The following FLI1 variants were observed in gnomAD, a reference collection of about 807,000 sequenced individuals.
FLI1 encodes Fli-1 proto-oncogene, ETS transcription factor.
In FLI1, 13 loss-of-function variants were observed where a neutral mutation model predicts 53.1. The observed-to-expected ratio is 0.24, with a 90% CI of 0.16 to 0.39. The LOEUF (loss-of-function observed/expected upper bound fraction) is 0.39, where lower values mean the gene tolerates loss of function less well. Ranked by LOEUF, FLI1 falls within the 10% of genes least tolerant of loss-of-function variation. FLI1 has a pLI of 1.00. For missense variants in FLI1, 424 were observed against 600.5 expected, an observed-to-expected ratio of 0.71 and a Z score of 3.07; for synonymous variants, 244 against 236.7, an observed-to-expected ratio of 1.03 and a Z score of -0.28.
intron 1 of FLI1, among the ~76,000 whole-genome samples, chr11:128,751,734 T>G (rs1484201157): frequency 6.6e-6 from 1 of 151,736 alleles, no homozygotes; most frequent in Non-Finnish European, 1.5e-5. Flanking sequence ...TTCACCATGT[T>G]AGCCAGGATG....
chr11:128,694,039 T>C (rs1565451498), upstream of FLI1: 2 of 400,672 alleles, frequency 5.0e-6, no homozygotes, highest in Non-Finnish European at 4.5e-6. Context: ...TTCCCAAAAT[T>C]AGCTGAAAAA....
At chr11:128,713,600 G>T (rs1938878795) in intron 1 of FLI1, among the ~76,000 whole-genome samples, 1 of 151,260 alleles carries the variant, frequency 6.6e-6, no homozygotes, top group African/African-American at 2.4e-5. Context: ...TCCTTGGACA[G>T]AGGTAATAGT....
At chr11:128,717,534 C>A (rs1486625500) in intron 1 of FLI1, among the ~76,000 whole-genome samples, 4 of 152,148 alleles carry the variant, frequency 2.6e-5, no homozygotes, top group African/African-American at 9.7e-5. Flanking sequence ...GACTGCAGGG[C>A]AGGCAGGAAG....
chr11:128,705,848 C>T (rs942465565), intron 1 of FLI1, among the ~76,000 whole-genome samples: 7 of 152,120 alleles, frequency 4.6e-5, no homozygotes, highest in Non-Finnish European at 7.4e-5. Flanking sequence ...CCCTGAAGAA[C>T]CTATTATTTT....
chr11:128,697,771 G>A (rs1402767281), intron 1 of FLI1, among the ~76,000 whole-genome samples: 1 of 152,172 alleles, frequency 6.6e-6, no homozygotes, highest in Non-Finnish European at 1.5e-5. Context: ...TTCAACAAAT[G>A]TTTATGATGC....
intron 4 of FLI1, among the ~76,000 whole-genome samples, chr11:128,777,984 T>C (rs1479737577): frequency 6.6e-6 from 1 of 152,176 alleles, no homozygotes; most frequent in African/African-American, 2.4e-5. Flanking sequence ...CCAGGTACTG[T>C]CTCTAGCAGC....
At chr11:128,747,874 C>G (rs1940468037) in intron 1 of FLI1, among the ~76,000 whole-genome samples, 1 of 152,242 alleles carries the variant, frequency 6.6e-6, no homozygotes, top group Non-Finnish European at 1.5e-5. Context: ...TGTTCTATCT[C>G]CCATCCTGTG....
intron 1 of FLI1, among the ~76,000 whole-genome samples, chr11:128,751,260 A>T (rs886324541): frequency 1.3e-5 from 2 of 152,214 alleles, no homozygotes; most frequent in South Asian, 2.1e-4. Flanking sequence ...AGAAGTAGGT[A>T]TCGCTCTGGC....
intron 1 of FLI1, among the ~76,000 whole-genome samples, chr11:128,755,054 G>A (rs749938077): frequency 2.6e-5 from 4 of 152,136 alleles, no homozygotes; most frequent in Non-Finnish European, 5.9e-5. Context: ...CAGAACCGCT[G>A]GCTTTGTGTT....
chr11:128,730,563 T>C (rs533733366), intron 1 of FLI1, among the ~76,000 whole-genome samples: 1 of 152,360 alleles, frequency 6.6e-6, no homozygotes, highest in South Asian at 2.1e-4. Context: ...ATGTTTTCAT[T>C]TCTTTTTGAA....
intron 1 of FLI1, among the ~76,000 whole-genome samples, chr11:128,696,315 T>G (rs1938070762): frequency 6.6e-6 from 1 of 152,126 alleles, no homozygotes; most frequent in Non-Finnish European, 1.5e-5. Context: ...GATTGAGCCT[T>G]TAGTGTGTGT....
At chr11:128,688,296 G>T (rs1937617120) in intron 1 of FLI1, among the ~76,000 whole-genome samples, 2 of 152,258 alleles carry the variant, frequency 1.3e-5, no homozygotes, top group Admixed American at 6.5e-5. Context: ...CAGTCTGGGA[G>T]CTGTGGGCCG....
chr11:128,770,385 T>C (rs1941509131), intron 3 of FLI1, among the ~76,000 whole-genome samples: 1 of 152,224 alleles, frequency 6.6e-6, no homozygotes, highest in South Asian at 2.1e-4. Context: ...AGGGGAAGTC[T>C]CATTTGGGCA....
chr11:128,789,272 T>A (rs1027056366), intron 5 of FLI1, among the ~76,000 whole-genome samples: 2 of 152,148 alleles, frequency 1.3e-5, no homozygotes, highest in African/African-American at 2.4e-5. Context: ...GAAGACACCC[T>A]GGGGTAGAAC....
intron 4 of FLI1, among the ~76,000 whole-genome samples, chr11:128,777,130 G>A (rs1591804444): frequency 6.6e-6 from 1 of 152,276 alleles, no homozygotes; most frequent in East Asian, 1.9e-4. Flanking sequence ...CTGCGGGAAC[G>A]AGATTTGTCC....
intron 5 of FLI1, among the ~76,000 whole-genome samples, chr11:128,800,095 T>C (rs1565507331): frequency 1.3e-5 from 2 of 152,090 alleles, no homozygotes; most frequent in Non-Finnish European, 2.9e-5. Flanking sequence ...GGTCTGCCAT[T>C]GATTTGAGCA....
intron 5 of FLI1, among the ~76,000 whole-genome samples, chr11:128,791,891 A>C: frequency 6.6e-6 from 1 of 152,262 alleles, no homozygotes; most frequent in Admixed American, 6.5e-5. Flanking sequence ...CAGGCCCTTC[A>C]GGTCTCTGCC....
chr11:128,720,499 G>T (rs759003408), intron 1 of FLI1, among the ~76,000 whole-genome samples: 1 of 152,126 alleles, frequency 6.6e-6, no homozygotes, highest in Non-Finnish European at 1.5e-5. Context: ...AGAAACACTG[G>T]GGGGTGGGGA....
At chr11:128,689,375 A>G (rs1476959926), upstream of FLI1, among the ~76,000 whole-genome samples, 1 of 152,128 alleles carries the variant, frequency 6.6e-6, no homozygotes, top group Non-Finnish European at 1.5e-5. Flanking sequence ...CCCCCGCAGG[A>G]CTGGCAGGGT....
Sources: allele counts gnomAD v4.1 joint callset (sites outside exome capture counted in the v4.1 genomes callset), GRCh38; gene constraint gnomAD v4.1.1; transcripts MANE v1.5; gene names NCBI Gene and HGNC (gene_info 2026-07-23, HGNC 2026-07-21).